DOCK1: variants seen among roughly 807,000 people sequenced by gnomAD.
DOCK1 encodes dedicator of cytokinesis 1.
DOCK1 carries 138 observed loss-of-function variants against 262.7 expected under a neutral mutation model. The ratio of observed to expected loss-of-function variants is 0.53; its 90% CI spans 0.46 to 0.61. DOCK1 has a LOEUF of 0.61. DOCK1 is among the 20% of genes least tolerant of loss of function. The pLI is 0.00. For synonymous variants in DOCK1, 866 were observed against 867.4 expected, an observed-to-expected ratio of 1.00 and a Z score of 0.03; for missense variants, 1,908 against 2,370.7, an observed-to-expected ratio of 0.80 and a Z score of 4.05.
chr10:126,967,159 A>G (rs36158592), intron 1 of DOCK1, among the ~76,000 whole-genome samples: 82,938 of 151,984 alleles, frequency 0.55, 23,785 homozygotes, highest in African/African-American at 0.71. Context: ...CAAAAAGGCC[A>G]CCATCTTTGT....
Position 127,274,985 on chromosome 10 carries a change from C to G in DOCK1, c.3044+17556C>G, listed in dbSNP as rs190190004. On this transcript the variant is annotated intron_variant, in intron 29 of 51. Transcript: ENST00000623213. ...TGTTTCCCCCAGTGTGGATGTGTGG[C>G]CTGGTTAATTCTCAGGTGCCCAGGA... Among the ~76,000 whole-genome samples the G allele has an allele frequency of 2.0e-3, 300 of 152,208 alleles. 2 individuals are homozygous for G. The highest frequency in any genetic ancestry group is 3.7e-3 in the Non-Finnish European group (254 of 68,012).
intron 43 of DOCK1, among the ~76,000 whole-genome samples, chr10:127,411,697 G>A (rs893653880): frequency 4.6e-5 from 7 of 152,092 alleles, no homozygotes; most frequent in Admixed American, 1.3e-4. Flanking sequence ...AACATTAGCC[G>A]GGCGTGGTGG....
At chr10:127,434,380 C>T (rs563617068) in intron 48 of DOCK1, among the ~76,000 whole-genome samples, 143 of 152,272 alleles carry the variant, frequency 9.4e-4, no homozygotes, top group African/African-American at 3.2e-3. Flanking sequence ...GCCACCCAGG[C>T]TGGAATGCAG....
intron 27 of DOCK1, among the ~76,000 whole-genome samples, chr10:127,236,385 A>T (rs1372340338): frequency 3.7e-5 from 4 of 107,428 alleles, no homozygotes; most frequent in East Asian, 2.8e-4. Context: ...CTCCCTCCCT[A>T]CTTCCCTCCC....
chr10:126,973,869 C>G (rs527825679), intron 2 of DOCK1, among the ~76,000 whole-genome samples: 3 of 152,018 alleles, frequency 2.0e-5, no homozygotes, highest in Non-Finnish European at 4.4e-5. Flanking sequence ...TTTGGTTTAG[C>G]AAGTTTGATT....
At chr10:127,358,082 A>C (rs1480477301) in intron 32 of DOCK1, among the ~76,000 whole-genome samples, 1 of 152,196 alleles carries the variant, frequency 6.6e-6, no homozygotes, top group African/African-American at 2.4e-5. Context: ...GACTCTGCCA[A>C]GAAAATAGAA....
At chr10:127,253,924 T>A (rs890305248) in intron 28 of DOCK1, among the ~76,000 whole-genome samples, 14 of 146,186 alleles carry the variant, frequency 9.6e-5, no homozygotes, top group African/African-American at 3.2e-4. Flanking sequence ...CCTCAATTCA[T>A]CCGTTGAAAG....
Position 126,984,974 on chromosome 10 carries a change from C to CTTTTT in DOCK1, c.228-2527_228-2523dup, listed in dbSNP as rs553086410. ...TCTCCCCACTCCCCTATGTCCCATT[C>CTTTTT]TTTTTTTTTTTTTTTTTTTTTTTTG... On this transcript the variant is annotated intron_variant, in intron 4 of 51. Coordinates refer to ENST00000623213, the MANE Select transcript of DOCK1 (RefSeq NM_001290223.2). Among the ~76,000 whole-genome samples the CTTTTT allele has an allele frequency of 1.0e-3, 89 of 85,126 alleles. 1 individual carries two copies. The highest frequency in any genetic ancestry group is 1.2e-3 in the Non-Finnish European group (56 of 46,968). The allele number at this position is 85,126 out of a possible 152,430, so 55.8% of individuals were successfully genotyped here.
At chr10:127,101,599 G>A (rs186889610) in intron 23 of DOCK1, among the ~76,000 whole-genome samples, 1 of 152,320 alleles carries the variant, frequency 6.6e-6, no homozygotes, top group Non-Finnish European at 1.5e-5. Flanking sequence ...CATTTTTGAT[G>A]CTAGGAGCTC....
rs953632792 is a variant in DOCK1 at position 127,012,170 on chromosome 10, G to A, written c.1059-62G>A. 25 of 844,020 alleles carry A rather than the reference G, an allele frequency of 3.0e-5. No individual in the cohort carries two copies. Among genetic ancestry groups the A allele is most frequent in the African/African-American group, 1.5e-4 (9 of 60,100 alleles). 52.3% of individuals were successfully genotyped at this position (844,020 alleles called of 1,614,324 possible). ...TGATCTCTTATGTTCCCTTGTTACC[G>A]TGGCCCATGGGTCTCTGTGCCCCTT... On this transcript the variant is annotated intron_variant, in intron 11 of 51. Coordinates refer to ENST00000623213, the MANE Select transcript of DOCK1 (RefSeq NM_001290223.2). This position sits in a 1 kb window ranked among gnomAD's most constrained non-coding sequence, Gnocchi z 4.0.
At chr10:127,237,981 G>C (rs1481358459) in intron 27 of DOCK1, among the ~76,000 whole-genome samples, 1 of 152,152 alleles carries the variant, frequency 6.6e-6, no homozygotes, top group Non-Finnish European at 1.5e-5. Flanking sequence ...ATTTTGCCAT[G>C]TCTGCATTAT....
At chr10:127,141,933 T>C (rs1446219765) in intron 27 of DOCK1, among the ~76,000 whole-genome samples, 1 of 152,220 alleles carries the variant, frequency 6.6e-6, no homozygotes, top group Non-Finnish European at 1.5e-5. Context: ...CAGGATCTTT[T>C]TGGAGCCTGG....
rs909857709 is a variant in DOCK1 at position 127,257,257 on chromosome 10, A to G, written c.2950-78A>G. On this transcript the variant is annotated intron_variant, in intron 28 of 51. Coordinates refer to ENST00000623213, the MANE Select transcript of DOCK1 (RefSeq NM_001290223.2). Reference sequence around the variant, plus strand: ...TTCAGCCTTTAAAATGGGGTATTTTATAATCTAATTGACAGGAGGGTATCA... The same window carrying G: ...TTCAGCCTTTAAAATGGGGTATTTTGTAATCTAATTGACAGGAGGGTATCA... 8.5e-6 allele frequency: 10 copies of G among 1,174,456 alleles called. No homozygotes were observed. In the African/African-American group the frequency reaches 1.1e-4, roughly 13 times the overall value. 72.8% of individuals were successfully genotyped at this position (1,174,456 alleles called of 1,614,324 possible).
chr10:126,942,831 A>G (rs2035122423), intron 1 of DOCK1, among the ~76,000 whole-genome samples: 1 of 152,298 alleles, frequency 6.6e-6, no homozygotes, highest in East Asian at 1.9e-4. Flanking sequence ...TTTCCAGAAA[A>G]TGCTTAACTA....
intron 4 of DOCK1, among the ~76,000 whole-genome samples, chr10:126,985,945 A>C (rs1387793164): frequency 6.6e-6 from 1 of 152,126 alleles, no homozygotes; most frequent in Non-Finnish European, 1.5e-5. Flanking sequence ...CCCGGGTTCA[A>C]GTGATTCTCC....
intron 1 of DOCK1, among the ~76,000 whole-genome samples, chr10:126,927,913 G>C (rs1410503472): frequency 6.6e-6 from 1 of 152,136 alleles, no homozygotes; most frequent in Non-Finnish European, 1.5e-5. Context: ...ACCATGCTCG[G>C]CGGAGAGGTG....
chr10:127,310,719 A>G (rs1170987628), intron 29 of DOCK1, among the ~76,000 whole-genome samples: 1 of 152,186 alleles, frequency 6.6e-6, no homozygotes, highest in Non-Finnish European at 1.5e-5. Flanking sequence ...CGGACAGCCC[A>G]ATGATTTAAG....
intron 7 of DOCK1, chr10:126,997,887 C>G: frequency 1.7e-6 from 1 of 584,224 alleles, no homozygotes; most frequent in Non-Finnish European, 3.0e-6. Context: ...CTCAGCACAG[C>G]AGTTGCACAG....
At chr10:127,304,232 C>G (rs567167963) in intron 29 of DOCK1, among the ~76,000 whole-genome samples, 73 of 152,284 alleles carry the variant, frequency 4.8e-4, no homozygotes, top group African/African-American at 1.7e-3. Flanking sequence ...GAACCTCTTC[C>G]ATCATTGACA....
Sources: allele counts gnomAD v4.1 joint callset (sites outside exome capture counted in the v4.1 genomes callset), GRCh38; gene constraint gnomAD v4.1.1; non-coding constraint Gnocchi (gnomAD v3.1); transcripts MANE v1.5; gene names NCBI Gene and HGNC (gene_info 2026-07-23, HGNC 2026-07-21).